Variants in INTS7 observed in about 807,000 individuals in gnomAD.
INTS7 encodes chromosome 1 open reading frame 73.
INTS7 carries 46 observed loss-of-function variants against 109.2 expected under a neutral mutation model. The observed-to-expected ratio is 0.42, with a 90% confidence interval of 0.33 to 0.54. The LOEUF is 0.54. Ranked by LOEUF, INTS7 falls within the 20% of genes least tolerant of loss-of-function variation. The pLI, the probability that INTS7 is intolerant of heterozygous loss-of-function variation, is 0.07. For synonymous variants in INTS7, 412 were observed against 402.9 expected (o/e 1.02, Z -0.27); for missense variants, 929 against 1,132.4 (o/e 0.82, Z 2.58).
intron 13 of INTS7, among the ~76,000 whole-genome samples, chr1:211,974,248 AAAC>A (rs1664300797): frequency 1.4e-5 from 2 of 139,102 alleles, no homozygotes; most frequent in African/African-American, 2.6e-5. Context: ...CTAATATAGG[AAAC>A]AACAATCTCT....
intron 4 of INTS7, among the ~76,000 whole-genome samples, chr1:212,014,228 GC>G (rs2076765151): frequency 1.3e-5 from 2 of 152,134 alleles, no homozygotes; most frequent in Non-Finnish European, 2.9e-5. Context: ...ACTTTGGGAG[GC>G]CAAGGCAGGT....
intron 16 of INTS7, among the ~76,000 whole-genome samples, chr1:211,955,096 A>G (rs1414781587): frequency 6.6e-6 from 1 of 152,174 alleles, no homozygotes; most frequent in Non-Finnish European, 1.5e-5. Flanking sequence ...TTCTCCTTGA[A>G]GAGGTCCTTC....
chr1:212,022,401 A>G (rs1467025569), intron 1 of INTS7, among the ~76,000 whole-genome samples: 1 of 152,252 alleles, frequency 6.6e-6, no homozygotes. Context: ...AAACATTTAC[A>G]AAACACATAT....
intron 4 of INTS7, 112 bp downstream of exon 4, chr1:212,016,754 TCTTGGAAAACACACCTTGTA>T: frequency 2.9e-6 from 2 of 691,458 alleles, no homozygotes; most frequent in Non-Finnish European, 4.8e-6. Flanking sequence ...AGGTAAACCT[TCTTGGAAAACACACCTTGTA>T]ATTTACACTT....
chr1:212,024,283 A>C (rs913877961), intron 1 of INTS7, among the ~76,000 whole-genome samples: 1 of 152,064 alleles, frequency 6.6e-6, no homozygotes, highest in Admixed American at 6.6e-5. Context: ...AGCACTCTGT[A>C]GATTGCTTTG....
chr1:211,951,065 G>A (rs1198779000), intron 17 of INTS7, among the ~76,000 whole-genome samples: 2 of 152,138 alleles, frequency 1.3e-5, no homozygotes, highest in African/African-American at 2.4e-5. Context: ...CCCATCTTTA[G>A]ATCTAACCTA....
At chr1:211,979,292 G>A (rs1340134509) in intron 10 of INTS7, among the ~76,000 whole-genome samples, 1 of 152,030 alleles carries the variant, frequency 6.6e-6, no homozygotes, top group Non-Finnish European at 1.5e-5. Flanking sequence ...TCACAATGCA[G>A]CCATGTAGCC....
At chr1:211,997,997 T>C (rs1558045885) in intron 7 of INTS7, among the ~76,000 whole-genome samples, 1 of 151,970 alleles carries the variant, frequency 6.6e-6, no homozygotes, top group Non-Finnish European at 1.5e-5. Flanking sequence ...TACAAACTGA[T>C]TCTAAATTTT....
In INTS7 at chr1:212,034,205, A is replaced by G. The variant is rs879764155; in HGVS notation, c.94+1139T>C. Reference sequence around the variant, plus strand: ...TTTTCTTGGTTGATGGGGGTGCACTAAAGATACTGAGACTCAACCAAAGGA... The same window carrying G: ...TTTTCTTGGTTGATGGGGGTGCACTGAAGATACTGAGACTCAACCAAAGGA... On this transcript the variant is annotated intron_variant, in intron 1 of 19. Coordinates refer to ENST00000366994, the MANE Select transcript of INTS7 (RefSeq NM_015434.4). Among the ~76,000 whole-genome samples the G allele has an allele frequency of 7.2e-5, 11 of 152,312 alleles. No homozygotes were observed. The East Asian group carries it at 1.7e-3, about 24-fold the overall frequency.
intron 16 of INTS7, among the ~76,000 whole-genome samples, chr1:211,952,992 CAT>C (rs1428213486): frequency 6.6e-6 from 1 of 152,080 alleles, no homozygotes; most frequent in Non-Finnish European, 1.5e-5. Context: ...GTGAAAGAGA[CAT>C]AAACACATCT....
At chr1:211,958,642 A>G (rs1663472346) in intron 16 of INTS7, among the ~76,000 whole-genome samples, 5 of 152,120 alleles carry the variant, frequency 3.3e-5, no homozygotes, top group South Asian at 2.1e-4. Context: ...TTCCAGTTAC[A>G]TGCATATTAG....
intron 9 of INTS7, among the ~76,000 whole-genome samples, chr1:211,982,354 C>A (rs1270565957): frequency 6.6e-6 from 1 of 152,020 alleles, no homozygotes; most frequent in Non-Finnish European, 1.5e-5. Context: ...AGTGAACATA[C>A]CACCTTATAC....
chr1:212,007,358 C>G lies in INTS7; in HGVS notation c.648G>C (p.Gln216His). ...AGGATGTGACCAGCTGTTGTAAAAG[C>G]TGACGAGCACTGGAAGCCAAGATTG... ...HDAILASSAR[Q>H]LLQQLVTSYP... The change falls in exon 6 of 20, where the codon CAG (glutamine) becomes CAC (histidine). Residue 216 changes from glutamine (Q) to histidine (H), a missense_variant. Coordinates refer to ENST00000366994, the MANE Select transcript of INTS7 (RefSeq NM_015434.4). 1 of 1,614,016 alleles carries G rather than the reference C, an allele frequency of 6.2e-7. No individual in the cohort carries two copies. The highest frequency in any genetic ancestry group is 1.1e-5 in the South Asian group (1 of 91,084).
intron 7 of INTS7, among the ~76,000 whole-genome samples, chr1:211,999,810 A>G (rs1665579797): frequency 6.6e-6 from 1 of 152,210 alleles, no homozygotes; most frequent in South Asian, 2.1e-4. Flanking sequence ...ATCAAGGAAA[A>G]GGGGATATAT....
At chr1:212,035,251 G>T (rs1667382449) in intron 1 of INTS7, 93 bp downstream of exon 1, 1 of 842,406 alleles carries the variant, frequency 1.2e-6, no homozygotes, top group Non-Finnish European at 2.0e-6. Flanking sequence ...ACATGCGCAT[G>T]CGCCTATCCG....
intron 8 of INTS7, among the ~76,000 whole-genome samples, chr1:211,984,038 AT>A (rs562438886): frequency 6.7e-6 from 1 of 149,968 alleles, no homozygotes; most frequent in Non-Finnish European, 1.5e-5. Context: ...TAATTTTGTT[AT>A]TTTTTTTTGT....
At chr1:211,965,424 C>T (rs1419561355) in intron 16 of INTS7, among the ~76,000 whole-genome samples, 1 of 152,046 alleles carries the variant, frequency 6.6e-6, no homozygotes, top group African/African-American at 2.4e-5. Context: ...AATTACCATT[C>T]GGCCAAGAAA....
At chr1:211,944,708 T>G in intron 19 of INTS7, 76 bp downstream of exon 19, 1 of 1,232,700 alleles carries the variant, frequency 8.1e-7, no homozygotes, top group Non-Finnish European at 1.2e-6. Flanking sequence ...TATTTAACCA[T>G]GAAAAACACT....
chr1:211,952,286 CAGTTAAAT>C, intron 17 of INTS7: 1 of 242,496 alleles, frequency 4.1e-6, no homozygotes, highest in South Asian at 1.1e-4. Flanking sequence ...ATTGCAACTT[CAGTTAAAT>C]TGTTAAAAAA....
Sources: allele counts gnomAD v4.1 joint callset (sites outside exome capture counted in the v4.1 genomes callset), GRCh38; gene constraint gnomAD v4.1.1; transcripts MANE v1.5; gene names NCBI Gene and HGNC (gene_info 2026-07-23, HGNC 2026-07-21).